The following SYN3 variants were observed in gnomAD, a reference collection of about 807,000 sequenced individuals.
SYN3 encodes the protein synapsin III, also known as synapsin-3.
A neutral mutation model predicts 65.8 loss-of-function variants in SYN3; 35 were observed. The ratio of observed to expected loss-of-function variants is 0.53; its 90% CI spans 0.41 to 0.70. The LOEUF (loss-of-function observed/expected upper bound fraction) is 0.70. SYN3 is among the 30% of genes least tolerant of loss of function. The probability of loss-of-function intolerance (pLI) is 0.00; values close to 1 mark genes in which losing one functional copy is unlikely to be tolerated. For synonymous variants in SYN3, 270 were observed against 292.9 expected, an observed-to-expected ratio of 0.92 and a Z score of 0.80; for missense variants, 680 against 749.0, an observed-to-expected ratio of 0.91 and a Z score of 1.08.
chr22:32,708,360 C>G (rs2060907967), intron 6 of SYN3, among the ~76,000 whole-genome samples: 1 of 152,216 alleles, frequency 6.6e-6, no homozygotes, highest in Admixed American at 6.5e-5. Context: ...TGCCTGCACT[C>G]CAGGCGGCCC....
chr22:32,638,131 T>C (rs1421990923), intron 6 of SYN3, among the ~76,000 whole-genome samples: 2 of 152,218 alleles, frequency 1.3e-5, no homozygotes, highest in Non-Finnish European at 2.9e-5. Context: ...TCTATGTTGC[T>C]GCATAGGACA....
In SYN3 at chr22:33,006,463, A is replaced by G. The variant is rs752732916; in HGVS notation, c.200T>C (p.Met67Thr). ...TGAGGTGGCCTGAGGGGCCTGCTTCATGGCACTGGAGAGGGAGCTAAAAAG... is the reference window on the plus strand; with the variant it reads ...TGAGGTGGCCTGAGGGGCCTGCTTCGTGGCACTGGAGAGGGAGCTAAAAAG... ...SSLFSSLSSA[M>T]KQAPQATSGL... Residue 67 changes from methionine (M) to threonine (T), a missense_variant, in exon 2 of 14, where the codon ATG becomes ACG. Physicochemically the swap from Met to Thr is moderately conservative, Grantham distance 81. Coordinates refer to ENST00000358763, the MANE Select transcript of SYN3 (RefSeq NM_003490.4). 6.2e-7 allele frequency: 1 copy of G among 1,614,182 alleles called. No homozygotes were observed. The highest frequency in any genetic ancestry group is 1.3e-5 in the African/African-American group (1 of 75,052).
At chr22:32,528,746 C>G (rs135123) in intron 11 of SYN3, 128 bp downstream of exon 11, 241,194 of 1,346,874 alleles carry the variant, frequency 0.18, 22,482 homozygotes, top group Admixed American at 0.21. Flanking sequence ...TTCGTCCACA[C>G]CCCCATTCCT....
intron 6 of SYN3, among the ~76,000 whole-genome samples, chr22:32,695,411 G>T (rs2060722427): frequency 6.6e-6 from 1 of 152,076 alleles, no homozygotes; most frequent in Non-Finnish European, 1.5e-5. Flanking sequence ...ACGTCTTGTT[G>T]TGTTCTGTTA....
intron 7 of SYN3, among the ~76,000 whole-genome samples, chr22:32,548,767 G>A (rs938638619): frequency 1.3e-5 from 2 of 152,256 alleles, no homozygotes; most frequent in South Asian, 4.1e-4. Context: ...ATTAAAAGCC[G>A]GATGATAGTA....
At chr22:32,849,607 C>T (rs1480470344) in intron 6 of SYN3, 32 of 1,382,394 alleles carry the variant, frequency 2.3e-5, no homozygotes, top group Non-Finnish European at 3.0e-5. Context: ...CTAAGGGAGG[C>T]AAAGTGGGTT....
intron 3 of SYN3, among the ~76,000 whole-genome samples, chr22:32,966,311 C>A (rs2051842463): frequency 6.6e-6 from 1 of 152,074 alleles, no homozygotes; most frequent in African/African-American, 2.4e-5. Context: ...GAAAGGATGT[C>A]CCAGGAGGAG....
intron 3 of SYN3, among the ~76,000 whole-genome samples, chr22:32,949,789 A>C (rs2051235238): frequency 6.6e-6 from 1 of 152,220 alleles, no homozygotes; most frequent in Admixed American, 6.5e-5. Flanking sequence ...TACTAAGCTG[A>C]AGCATGTTAT....
intron 6 of SYN3, among the ~76,000 whole-genome samples, chr22:32,728,085 C>A (rs1318829757): frequency 6.6e-6 from 1 of 152,066 alleles, no homozygotes; most frequent in Non-Finnish European, 1.5e-5. Context: ...ACACAAAAAT[C>A]AACTCAAGAT....
intron 6 of SYN3, among the ~76,000 whole-genome samples, chr22:32,707,937 G>A (rs79261253): frequency 1.8e-3 from 270 of 152,314 alleles, no homozygotes; most frequent in African/African-American, 6.1e-3. Context: ...AATTCAGAGG[G>A]AATTTTTGGG....
chr22:32,644,101 A>AGAG (rs1555914434), intron 6 of SYN3, among the ~76,000 whole-genome samples: 24,912 of 70,908 alleles, frequency 0.35, 9,314 homozygotes, highest in Non-Finnish European at 0.4. Flanking sequence ...AAAAAAAAAA[A>AGAG]AGCGACAAGA....
chr22:32,992,664 T>G (rs2145725247), intron 2 of SYN3, among the ~76,000 whole-genome samples: 1 of 152,150 alleles, frequency 6.6e-6, no homozygotes, highest in South Asian at 2.1e-4. Flanking sequence ...AATACAAAAC[T>G]TAGCTGTGCG....
chr22:32,528,828 G>T, intron 11 of SYN3, 46 bp downstream of exon 11: 1 of 1,611,748 alleles, frequency 6.2e-7, no homozygotes. Flanking sequence ...AGACAGCCTG[G>T]CATTTCTCAT....
intron 6 of SYN3, among the ~76,000 whole-genome samples, chr22:32,720,824 G>A (rs1402404404): frequency 1.3e-5 from 2 of 152,190 alleles, no homozygotes; most frequent in Non-Finnish European, 2.9e-5. Context: ...AGCATGATTG[G>A]AAGACCCAGA....
chr22:32,664,759 T>G (rs2060266132), intron 6 of SYN3, among the ~76,000 whole-genome samples: 1 of 151,252 alleles, frequency 6.6e-6, no homozygotes, highest in Admixed American at 6.6e-5. Context: ...CCCGGCTAAT[T>G]TTTTGTGTTT....
At chr22:32,865,623 C>T (rs1021539094) in intron 5 of SYN3, among the ~76,000 whole-genome samples, 1 of 152,198 alleles carries the variant, frequency 6.6e-6, no homozygotes, top group Non-Finnish European at 1.5e-5. Flanking sequence ...GTTGCAACCC[C>T]TCTCATTTCC....
chr22:32,831,850 C>G (rs777358343), intron 6 of SYN3, among the ~76,000 whole-genome samples: 1 of 152,072 alleles, frequency 6.6e-6, no homozygotes, highest in East Asian at 1.9e-4. Flanking sequence ...TCACTGCACC[C>G]CCCCCAACCT....
At chr22:32,898,857 C>T (rs1768999567) in intron 4 of SYN3, among the ~76,000 whole-genome samples, 1 of 152,274 alleles carries the variant, frequency 6.6e-6, no homozygotes, top group Middle Eastern at 3.4e-3. Context: ...AATCCCAACA[C>T]TTTGGGAGGC....
At chr22:33,011,817 T>C (rs1205565603) in intron 1 of SYN3, among the ~76,000 whole-genome samples, 2 of 152,204 alleles carry the variant, frequency 1.3e-5, no homozygotes, top group African/African-American at 4.8e-5. Context: ...GAGCATTTTG[T>C]CCATTTCATC....
Sources: allele counts gnomAD v4.1 joint callset (sites outside exome capture counted in the v4.1 genomes callset), GRCh38; gene constraint gnomAD v4.1.1; transcripts MANE v1.5; gene names NCBI Gene and HGNC (gene_info 2026-07-23, HGNC 2026-07-21).